LIPA: variants seen among roughly 807,000 people sequenced by gnomAD.
LIPA encodes lipase A, lysosomal acid type, also known as lysosomal acid lipase/cholesteryl ester hydrolase.
Under a neutral mutation model 40.6 loss-of-function variants are expected in LIPA, and 26 were observed. The observed-to-expected ratio is 0.64, with a 90% CI of 0.47 to 0.89. The LOEUF is 0.89. LIPA is among the 40% of genes least tolerant of loss of function. LIPA has a pLI of 0.00. For missense variants in LIPA, 455 were observed against 479.6 expected (o/e 0.95, Z 0.48); for synonymous variants, 188 against 168.4 (o/e 1.12, Z -0.90).
chr10:89,227,764 T>C (rs977678916), intron 4 of LIPA, among the ~76,000 whole-genome samples: 1 of 152,122 alleles, frequency 6.6e-6, no homozygotes, highest in Non-Finnish European at 1.5e-5. Context: ...ATTTTACAAA[T>C]AAGGAAACCG....
At chr10:89,385,408 A>G (rs1844203724) in intron 2 of LIPA, among the ~76,000 whole-genome samples, 1 of 152,136 alleles carries the variant, frequency 6.6e-6, no homozygotes, top group Non-Finnish European at 1.5e-5. Context: ...GCATTCATTG[A>G]CCAAGGCTTA....
chr10:89,235,958 G>A (rs191228096), intron 3 of LIPA, among the ~76,000 whole-genome samples: 40 of 152,172 alleles, frequency 2.6e-4, no homozygotes, highest in Non-Finnish European at 4.7e-4. Flanking sequence ...AACTGCACAG[G>A]TCCACTCATA....
intron 8 of LIPA, among the ~76,000 whole-genome samples, chr10:89,219,625 A>G (rs976991508): frequency 1.4e-4 from 22 of 152,342 alleles, no homozygotes; most frequent in African/African-American, 5.3e-4. Flanking sequence ...AGAGCCCTCT[A>G]ATGCCACACC....
intron 1 of LIPA, chr10:89,301,984 G>C: frequency 1.3e-6 from 1 of 752,012 alleles, no homozygotes; most frequent in Non-Finnish European, 2.1e-6. Flanking sequence ...CAGCTGAAGG[G>C]AAACAAACAA....
chr10:89,350,834 G>A (rs1326892015), intron 2 of LIPA, among the ~76,000 whole-genome samples: 1 of 152,176 alleles, frequency 6.6e-6, no homozygotes, highest in Admixed American at 6.5e-5. Flanking sequence ...GAAGGGAGGA[G>A]AGATAAGGCT....
At chr10:89,232,803 T>C (rs1327039196) in intron 3 of LIPA, among the ~76,000 whole-genome samples, 1 of 152,126 alleles carries the variant, frequency 6.6e-6, no homozygotes, top group African/African-American at 2.4e-5. Flanking sequence ...AATGGGGAAA[T>C]GTGGAAGCTG....
chr10:89,300,566 GA>G (rs1318277729), intron 1 of LIPA, among the ~76,000 whole-genome samples: 2 of 152,312 alleles, frequency 1.3e-5, no homozygotes, highest in African/African-American at 4.8e-5. Flanking sequence ...TAAAAAGGGG[GA>G]AAATATTGTG....
At chr10:89,350,450 C>T (rs1054612837) in intron 2 of LIPA, among the ~76,000 whole-genome samples, 3 of 151,950 alleles carry the variant, frequency 2.0e-5, no homozygotes, top group African/African-American at 7.2e-5. Context: ...AGACTACAGG[C>T]GCATGCCACC....
chr10:89,246,282 T>C (rs1843024196), intron 2 of LIPA, among the ~76,000 whole-genome samples: 1 of 152,194 alleles, frequency 6.6e-6, no homozygotes, highest in Non-Finnish European at 1.5e-5. Flanking sequence ...GAAGAAAAGT[T>C]GAACAAAATA....
chr10:89,334,579 T>C (rs1013446704), intron 1 of LIPA, among the ~76,000 whole-genome samples: 11 of 78,410 alleles, frequency 1.4e-4, no homozygotes, highest in African/African-American at 1.1e-3. Context: ...CACTGCAACC[T>C]CCGCCTTCCG....
At chr10:89,403,027 C>T (rs200260364) in intron 2 of LIPA, 4 of 1,614,112 alleles carry the variant, frequency 2.5e-6, no homozygotes, top group Non-Finnish European at 3.4e-6. Flanking sequence ...TCCTCACAGA[C>T]CTATGTCTTT....
intron 1 of LIPA, among the ~76,000 whole-genome samples, chr10:89,331,369 TG>T (rs1446649893): frequency 6.6e-6 from 1 of 152,130 alleles, no homozygotes; most frequent in Non-Finnish European, 1.5e-5. Context: ...AATGGGGTTT[TG>T]CCATGTTGGT....
chr10:89,363,701 C>A (rs923681082), intron 2 of LIPA, among the ~76,000 whole-genome samples: 7 of 141,634 alleles, frequency 4.9e-5, no homozygotes, highest in African/African-American at 1.9e-4. Context: ...GGCGTGAACC[C>A]GAGAGGCGGA....
At chr10:89,296,235 T>A (rs1843413944) in intron 1 of LIPA, among the ~76,000 whole-genome samples, 1 of 152,162 alleles carries the variant, frequency 6.6e-6, no homozygotes, top group African/African-American at 2.4e-5. Flanking sequence ...ATGCCTGTAA[T>A]CCTAGCACTT....
At chr10:89,298,675 A>G (rs1843428963) in intron 1 of LIPA, among the ~76,000 whole-genome samples, 1 of 152,214 alleles carries the variant, frequency 6.6e-6, no homozygotes, top group Non-Finnish European at 1.5e-5. Context: ...CCAATCAAAA[A>G]GAAATCCAGG....
At chr10:89,354,643 A>G (rs564696128) in intron 2 of LIPA, among the ~76,000 whole-genome samples, 2 of 152,272 alleles carry the variant, frequency 1.3e-5, no homozygotes, top group East Asian at 3.9e-4. Flanking sequence ...TCTCGGCTCA[A>G]TGCAACCTCT....
intron 2 of LIPA, among the ~76,000 whole-genome samples, chr10:89,391,285 C>T (rs550102828): frequency 6.2e-4 from 95 of 152,288 alleles, no homozygotes; most frequent in African/African-American, 2.2e-3. Context: ...GTGACCATGG[C>T]TCACTGCAGC....
chr10:89,228,927 C>T (rs1489122966), intron 3 of LIPA, among the ~76,000 whole-genome samples: 1 of 152,186 alleles, frequency 6.6e-6, no homozygotes, highest in Non-Finnish European at 1.5e-5. Flanking sequence ...CTGGTAGCAC[C>T]ACACTGGAAA....
At chr10:89,370,744 G>A (rs1401366035) in intron 2 of LIPA, among the ~76,000 whole-genome samples, 4 of 152,152 alleles carry the variant, frequency 2.6e-5, no homozygotes, top group Non-Finnish European at 5.9e-5. Context: ...GGGGCCAAGT[G>A]TGGTGGCTCA....
Sources: allele counts gnomAD v4.1 joint callset (sites outside exome capture counted in the v4.1 genomes callset), GRCh38; gene constraint gnomAD v4.1.1; transcripts MANE v1.5; gene names NCBI Gene and HGNC (gene_info 2026-07-23, HGNC 2026-07-21).